The following VPS13A variants were observed in gnomAD, a reference collection of about 807,000 sequenced individuals.
VPS13A encodes the protein vacuolar protein sorting 13 homolog A, also known as intermembrane lipid transfer protein VPS13A.
In VPS13A, 264 loss-of-function variants were observed where a neutral mutation model predicts 390.9. The observed-to-expected ratio is 0.68, with a 90% CI of 0.61 to 0.75. VPS13A has a LOEUF of 0.75. VPS13A is among the 30% of genes least tolerant of loss of function. The probability of loss-of-function intolerance (pLI) is 0.00; values close to 1 mark genes in which losing one functional copy is unlikely to be tolerated. For synonymous variants in VPS13A, 1,231 were observed against 1,227.1 expected, an observed-to-expected ratio of 1.00 and a Z score of -0.07; for missense variants, 3,409 against 3,733.9, an observed-to-expected ratio of 0.91 and a Z score of 2.27.
chr9:77,354,768 A>G (rs1831667889), intron 54 of VPS13A, among the ~76,000 whole-genome samples: 1 of 152,050 alleles, frequency 6.6e-6, no homozygotes, highest in East Asian at 1.9e-4. Flanking sequence ...AAAAAATTGA[A>G]CCCATCAAAA....
At position 77,370,926 on chromosome 9, in the gene VPS13A, C is replaced by A. The variant is rs1478089696; in HGVS notation, c.8944C>A (p.Pro2982Thr). 3 of 1,613,868 alleles carry A rather than the reference C, an allele frequency of 1.9e-6. No individual in the cohort carries two copies. The highest frequency in any genetic ancestry group is 2.2e-5 in the East Asian group (1 of 44,858). ...TGGCATAACAGGAATTGTTACAAAA[C>A]CAATCAAAGGCAAGTATAGTAGTTC... ...VSGITGIVTK[P>T]IKGAQKGGAA... The change falls in exon 66 of 72, where the codon CCA becomes ACA. Residue 2982 changes from proline (P) to threonine (T), a missense_variant. Physicochemically the swap from Pro to Thr is conservative, Grantham distance 38. Around this residue, in one of 5 missense-constraint regions of VPS13A, gnomAD observed 318 missense variants for 333.7 expected, o/e 0.95. Transcript: ENST00000360280.
chr9:77,318,244 G>A lies in VPS13A; in HGVS notation c.4966G>A (p.Val1656Ile), dbSNP rs1829522383. The A allele has an allele frequency of 6.3e-7, 1 of 1,594,148 alleles. No homozygotes were observed. ...VKSLTLKVSP[V>I]IINTMITITS... is the part of the protein sequence containing the mutation. ...ATTTTTTTCCATTTAGGTTTCACCA[G>A]TTATTATAAATACTATGATTACCAT... is the stretch of plus-strand genomic sequence containing the variant. Residue 1656 changes from valine (V) to isoleucine (I), a missense_variant, in exon 41 of 72, where the codon GTT (valine) becomes ATT (isoleucine). Around this residue, in one of 5 missense-constraint regions of VPS13A, gnomAD observed 2,717 missense variants for 2,917.4 expected, o/e 0.93. Coordinates refer to ENST00000360280, the MANE Select transcript of VPS13A (RefSeq NM_033305.3).
At chr9:77,413,210 A>C (rs1211674295) in intron 71 of VPS13A, among the ~76,000 whole-genome samples, 1 of 152,222 alleles carries the variant, frequency 6.6e-6, no homozygotes, top group African/African-American at 2.4e-5. Context: ...CCATCAAGCT[A>C]CCAATGACTT....
At chr9:77,401,475 A>G (rs113723743) in intron 68 of VPS13A, among the ~76,000 whole-genome samples, 42 of 152,166 alleles carry the variant, frequency 2.8e-4, no homozygotes, top group African/African-American at 8.2e-4. Context: ...TACTCCCCTG[A>G]ATAGAGTGGT....
At chr9:77,290,982 G>A (rs1455423177) in intron 31 of VPS13A, among the ~76,000 whole-genome samples, 1 of 152,012 alleles carries the variant, frequency 6.6e-6, no homozygotes, top group Non-Finnish European at 1.5e-5. Flanking sequence ...CTTTTATAGG[G>A]CATCTCATAA....
intron 46 of VPS13A, among the ~76,000 whole-genome samples, chr9:77,336,942 G>A (rs1437514477): frequency 4.6e-5 from 7 of 150,880 alleles, no homozygotes; most frequent in East Asian, 2.0e-4. Context: ...GACTACAGGC[G>A]CCCATCACCA....
chr9:77,253,934 T>C (rs185175034), intron 22 of VPS13A, among the ~76,000 whole-genome samples: 53 of 144,370 alleles, frequency 3.7e-4, no homozygotes, highest in Middle Eastern at 7.1e-3. Flanking sequence ...CCGGCCTTTA[T>C]TCTTTTTTTT....
chr9:77,322,781 A>G (rs1282246772), intron 44 of VPS13A, among the ~76,000 whole-genome samples: 4 of 152,104 alleles, frequency 2.6e-5, no homozygotes, highest in South Asian at 2.1e-4. Context: ...ACAGCAAACC[A>G]GAGATCAGTA....
chr9:77,325,234 G>A (rs987247820), intron 45 of VPS13A, among the ~76,000 whole-genome samples: 5 of 152,122 alleles, frequency 3.3e-5, no homozygotes, highest in African/African-American at 1.2e-4. Context: ...CTGACAGGAG[G>A]CAGAGCTCAG....
chr9:77,413,495 A>T (rs1347278789), intron 71 of VPS13A, among the ~76,000 whole-genome samples: 3 of 152,232 alleles, frequency 2.0e-5, no homozygotes, highest in African/African-American at 7.2e-5. Flanking sequence ...TGGGGAAAGG[A>T]TTCCCTATTT....
At position 77,366,860 on chromosome 9, in the gene VPS13A, A is replaced by G. The variant is rs763087379; in HGVS notation, c.8459A>G (p.Asp2820Gly). The G allele has an allele frequency of 1.2e-6, 2 of 1,612,882 alleles. No homozygotes were observed. Among genetic ancestry groups the G allele is most frequent in the Admixed American group, 3.3e-5 (2 of 59,956 alleles). The part of the protein sequence containing the change: ...SIGATLTDVQ[D>G]VVFKLAFFEL... ...GGTGCCACACTGACAGATGTACAAG[A>G]TGTAGTTTTTAAGTATGTTTAGTAT... The change falls in exon 61 of 72, where the codon GAT becomes GGT. Residue 2820 changes from aspartate (D) to glycine (G), a missense_variant. Asp to Gly is a moderately conservative substitution (Grantham distance 94). Coordinates refer to ENST00000360280, the MANE Select transcript of VPS13A (RefSeq NM_033305.3).
At chr9:77,400,262 A>G (rs953205003) in intron 68 of VPS13A, among the ~76,000 whole-genome samples, 2 of 87,802 alleles carry the variant, frequency 2.3e-5, no homozygotes, top group Non-Finnish European at 4.4e-5. Context: ...CTACCTTTTC[A>G]TATTCTTCAC....
chr9:77,214,555 A>G (rs996052970), intron 10 of VPS13A, among the ~76,000 whole-genome samples, 169 bp downstream of exon 10: 1 of 152,128 alleles, frequency 6.6e-6, no homozygotes, highest in Non-Finnish European at 1.5e-5. Context: ...TTAGTAACGT[A>G]TTTTATTGTT....
At position 77,373,170 on chromosome 9, in the gene VPS13A, A is replaced by G. The variant is rs1832877710; in HGVS notation, c.9077+2021A>G. On this transcript the variant is annotated intron_variant, in intron 67 of 71. Transcript: ENST00000360280. The stretch of plus-strand genomic sequence containing the variant: ...CATATGGAACCAAAAAAGAGCCCGC[A>G]TCGCCAAGGCAATCCTAAGCCAAAA... Among the ~76,000 whole-genome samples the G allele has an allele frequency of 3.3e-5, 5 of 151,260 alleles. 1 individual carries two copies. Among genetic ancestry groups the G allele is most frequent in the Admixed American group, 3.3e-4 (5 of 15,162 alleles).
chr9:77,250,241 A>C lies in VPS13A; in HGVS notation c.2170+12A>C. On this transcript the variant is annotated intron_variant, in intron 21 of 71. Coordinates refer to ENST00000360280, the MANE Select transcript of VPS13A (RefSeq NM_033305.3). ...TTACAGTAGAGTTGGTGAGTATAAA[A>C]TGCATTATTTGTTGATTGATTTTGT... The C allele has an allele frequency of 6.2e-7, 1 of 1,612,568 alleles. No individual in the cohort carries two copies. The highest frequency in any genetic ancestry group is 8.5e-7 in the Non-Finnish European group (1 of 1,179,730).
chr9:77,244,429 C>G (rs1824689007), intron 19 of VPS13A, among the ~76,000 whole-genome samples: 2 of 152,114 alleles, frequency 1.3e-5, no homozygotes, highest in Admixed American at 6.5e-5. Context: ...CTAAAACTTT[C>G]TGGAAATCCA....
rs1024229211 is a variant in VPS13A, at chr9:77,205,860, G to A, written c.284-118G>A. 6 of 716,092 alleles carry A rather than the reference G, an allele frequency of 8.4e-6. No homozygotes were observed. The South Asian group carries it at 8.7e-5, about 10-fold the overall frequency. The allele number at this position is 716,092 out of a possible 1,614,324, so 44.4% of individuals were successfully genotyped here. ...CCAGCTTGGCCTCCCAAAGTGCTGG[G>A]ATTACAGGCATGAGCCACCGCGCCC... On this transcript the variant is annotated intron_variant, in intron 4 of 71. Coordinates refer to ENST00000360280, the MANE Select transcript of VPS13A (RefSeq NM_033305.3).
At chr9:77,381,170 G>A (rs1213379787) in intron 67 of VPS13A, among the ~76,000 whole-genome samples, 3 of 152,122 alleles carry the variant, frequency 2.0e-5, no homozygotes, top group Admixed American at 1.3e-4. Context: ...TTTAGACAGG[G>A]TCTCACTCTG....
At chr9:77,405,507 T>C (rs1475022327) in intron 69 of VPS13A, among the ~76,000 whole-genome samples, 1 of 152,238 alleles carries the variant, frequency 6.6e-6, no homozygotes. Context: ...AAATTTCCCA[T>C]TGAGCATTAT....
Sources: gnomAD v4.1 joint callset for allele counts (sites outside exome capture counted in the v4.1 genomes callset) on GRCh38, gnomAD v4.1.1 for gene constraint, gnomAD v4.1.1 regional missense constraint, MANE v1.5 for transcripts, NCBI Gene and HGNC (gene_info 2026-07-23, HGNC 2026-07-21) for gene names.